CD96: variants seen among roughly 807,000 people sequenced by gnomAD.
The protein encoded by CD96 is T-cell surface protein tactile.
Under a neutral mutation model 71.3 loss-of-function variants are expected in CD96, and 70 were observed. The observed-to-expected ratio is 0.98, with a 90% confidence interval of 0.81 to 1.20. The LOEUF (loss-of-function observed/expected upper bound fraction) is 1.20. Among genes scored for constraint, CD96 ranks in the 50% most tolerant of loss-of-function variants. CD96 has a pLI of 0.00. For missense variants in CD96, 742 were observed against 677.5 expected, an observed-to-expected ratio of 1.10 and a Z score of -1.06; for synonymous variants, 248 against 233.0, an observed-to-expected ratio of 1.06 and a Z score of -0.59.
intron 14 of CD96, among the ~76,000 whole-genome samples, chr3:111,660,086 C>A (rs1418919503): frequency 6.6e-6 from 1 of 152,198 alleles, no homozygotes; most frequent in Non-Finnish European, 1.5e-5. Flanking sequence ...GTCAAACTAT[C>A]TCTCTTCACT....
At chr3:111,566,752 G>A (rs914504160) in intron 2 of CD96, among the ~76,000 whole-genome samples, 1 of 152,046 alleles carries the variant, frequency 6.6e-6, no homozygotes, top group African/African-American at 2.4e-5. Context: ...AATTAACACT[G>A]CTTCCTCAAA....
At chr3:111,624,140 G>T (rs1377167823) in intron 9 of CD96, among the ~76,000 whole-genome samples, 193 bp from the exon 10 acceptor site, 2 of 152,204 alleles carry the variant, frequency 1.3e-5, no homozygotes, top group Non-Finnish European at 2.9e-5. Context: ...ACACAAATCA[G>T]TGACAAGCTG....
intron 2 of CD96, among the ~76,000 whole-genome samples, chr3:111,566,726 C>T (rs988666793): frequency 8.6e-5 from 13 of 152,040 alleles, no homozygotes; most frequent in African/African-American, 2.9e-4. Context: ...TCTTCTATTA[C>T]CTTAAAAATG....
chr3:111,609,079 T>C (rs1040445253), intron 8 of CD96, among the ~76,000 whole-genome samples: 1 of 152,176 alleles, frequency 6.6e-6, no homozygotes, highest in Non-Finnish European at 1.5e-5. Context: ...CTTTGAAGTA[T>C]GTATTGTATA....
chr3:111,546,215 G>A (rs996338753), intron 2 of CD96, among the ~76,000 whole-genome samples: 1 of 152,158 alleles, frequency 6.6e-6, no homozygotes, highest in South Asian at 2.1e-4. Flanking sequence ...ATGAAGGAAG[G>A]AGAGAAAGAA....
intron 12 of CD96, among the ~76,000 whole-genome samples, chr3:111,646,390 A>T (rs1012427823): frequency 6.6e-6 from 1 of 152,106 alleles, no homozygotes; most frequent in Non-Finnish European, 1.5e-5. Context: ...TTAAAAAAAC[A>T]TGTAAAATGT....
chr3:111,638,143 G>T lies in CD96; in HGVS notation c.1452G>T (p.Thr484=). Residue 484 remains threonine (T), a synonymous_variant, in exon 12 of 14, where the codon ACG becomes ACT. Coordinates refer to ENST00000352690, the MANE Select transcript of CD96 (RefSeq NM_005816.5). The stretch of plus-strand genomic sequence containing the variant: ...TCCCCACAACTGCCAATGGATCTAC[G>T]AAAACTAATCACGTCCATATCACTG... The part of the protein sequence containing the change: ...SEVPTTANGS[T]KTNHVHITGI... 1 of 1,606,544 alleles carries T rather than the reference G, an allele frequency of 6.2e-7. No homozygotes were observed.
chr3:111,556,791 T>C (rs1036821342), intron 2 of CD96, among the ~76,000 whole-genome samples: 2 of 151,972 alleles, frequency 1.3e-5, no homozygotes, highest in African/African-American at 4.8e-5. Context: ...CTGACTTCCA[T>C]AATGGTGGAA....
intron 1 of CD96, among the ~76,000 whole-genome samples, chr3:111,542,800 T>G (rs1934172686): frequency 6.6e-6 from 1 of 152,238 alleles, no homozygotes; most frequent in Non-Finnish European, 1.5e-5. Flanking sequence ...TGAATTTTAA[T>G]GAGGCATGTG....
chr3:111,576,969 G>A (rs1936247229), intron 3 of CD96, among the ~76,000 whole-genome samples: 1 of 152,084 alleles, frequency 6.6e-6, no homozygotes. Context: ...TTATATTGTA[G>A]GTTACGGGGC....
chr3:111,601,939 C>G (rs141730558), intron 7 of CD96, among the ~76,000 whole-genome samples: 1 of 152,218 alleles, frequency 6.6e-6, no homozygotes, highest in Non-Finnish European at 1.5e-5. Flanking sequence ...GGGGCACTGG[C>G]ATCGCTCCCG....
At chr3:111,657,371 C>T (rs1940255541), downstream of CD96, among the ~76,000 whole-genome samples, 1 of 151,514 alleles carries the variant, frequency 6.6e-6, no homozygotes, top group Non-Finnish European at 1.5e-5. Context: ...TGAGCTATCA[C>T]ACCGCTGCAC....
chr3:111,637,971 G>A, intron 11 of CD96, 108 bp from the exon 12 acceptor site: 1 of 774,176 alleles, frequency 1.3e-6, no homozygotes, highest in East Asian at 2.5e-5. Context: ...GGGATACTTA[G>A]ACAATTTAAA....
downstream of CD96, chr3:111,665,824 A>C (rs757663599): frequency 5.3e-5 from 8 of 152,114 alleles, no homozygotes; most frequent in Non-Finnish European, 1.2e-4. Flanking sequence ...AACTGGGCAG[A>C]CTCCTGCTCA....
chr3:111,657,067 A>G (rs115591210), downstream of CD96, among the ~76,000 whole-genome samples: 938 of 152,168 alleles, frequency 6.2e-3, 15 homozygotes, highest in African/African-American at 0.021. Context: ...AATAAATACC[A>G]TAAGCACACT....
At chr3:111,631,270 C>T (rs1297884230) in intron 10 of CD96, among the ~76,000 whole-genome samples, 1 of 152,166 alleles carries the variant, frequency 6.6e-6, no homozygotes, top group South Asian at 2.1e-4. Context: ...CCCAAAACTT[C>T]TTAAGCTGAT....
At chr3:111,586,783 G>T (rs956307298) in intron 5 of CD96, among the ~76,000 whole-genome samples, 10 of 152,184 alleles carry the variant, frequency 6.6e-5, no homozygotes, top group African/African-American at 2.4e-4. Context: ...CCTCCCACCA[G>T]GTCCCTCCCA....
chr3:111,647,725 C>A (rs1939900890), intron 13 of CD96, 59 bp downstream of exon 13: 1 of 1,241,154 alleles, frequency 8.1e-7, no homozygotes, highest in Admixed American at 1.7e-5. Context: ...AAATATTCAT[C>A]AGTACAATAT....
intron 14 of CD96, among the ~76,000 whole-genome samples, chr3:111,659,323 C>A (rs1156805562): frequency 1.3e-5 from 2 of 151,910 alleles, no homozygotes; most frequent in Non-Finnish European, 2.9e-5. Flanking sequence ...TTTTGAAGAA[C>A]CTACTTTTTG....
Sources: gnomAD v4.1 joint callset for allele counts (sites outside exome capture counted in the v4.1 genomes callset) on GRCh38, gnomAD v4.1.1 for gene constraint, MANE v1.5 for transcripts, NCBI Gene and HGNC (gene_info 2026-07-23, HGNC 2026-07-21) for gene names.